Variants in KRT86 observed in about 807,000 individuals in gnomAD.
KRT86 encodes keratin 86, also known as keratin, type II cuticular Hb6.
KRT86 carries 30 observed loss-of-function variants against 41.2 expected under a neutral mutation model. The ratio of observed to expected loss-of-function variants is 0.73; its 90% CI spans 0.54 to 0.99. The LOEUF is 0.99. Among genes scored for constraint, KRT86 ranks in the 50% least tolerant of loss-of-function variants. KRT86 has a pLI of 0.00. For missense variants in KRT86, 561 were observed against 571.4 expected, an observed-to-expected ratio of 0.98 and a Z score of 0.19; for synonymous variants, 238 against 238.1, an observed-to-expected ratio of 1.00 and a Z score of 0.00.
intron 2 of KRT86, among the ~76,000 whole-genome samples, chr12:52,295,765 T>C (rs1938234994): frequency 6.6e-6 from 1 of 152,146 alleles, no homozygotes; most frequent in African/African-American, 2.4e-5. Flanking sequence ...ATTTTTTGAA[T>C]GAATGAAAAG....
At chr12:52,307,775 C>T (rs540179782) in intron 9 of KRT86, among the ~76,000 whole-genome samples, 2 of 152,198 alleles carry the variant, frequency 1.3e-5, no homozygotes, top group African/African-American at 2.4e-5. Flanking sequence ...CCTCCTGATG[C>T]CTATAATCTA....
chr12:52,281,456 G>A (rs756851737), intron 2 of KRT86, among the ~76,000 whole-genome samples: 4 of 152,216 alleles, frequency 2.6e-5, no homozygotes, highest in Non-Finnish European at 5.9e-5. Flanking sequence ...CCTGGTTGGT[G>A]TGTCCTGTCC....
At chr12:52,288,012 G>A in intron 2 of KRT86, 2 of 1,614,228 alleles carry the variant, frequency 1.2e-6, no homozygotes, top group South Asian at 2.2e-5. Flanking sequence ...CTCGGCCTCG[G>A]CCCGGCTGCG....
In KRT86 at chr12:52,308,745, G is replaced by C. The variant is rs951945169; in HGVS notation, c.*160G>C. 6 of 670,074 alleles carry C rather than the reference G, an allele frequency of 9.0e-6. No homozygotes were observed. Among genetic ancestry groups the C allele is most frequent in the Non-Finnish European group, 1.5e-5 (6 of 398,064 alleles). The allele number at this position is 670,074 out of a possible 1,614,324, so 41.5% of individuals were successfully genotyped here. On this transcript the variant is annotated 3_prime_UTR_variant, in exon 11 of 11. Transcript: ENST00000423955. Reference sequence around the variant, plus strand: ...CCGCTCCGCTCCGGGAGCCATCCCCGGTCGCAGGAGTCCGGGGAGGGCCGG... The same window carrying C: ...CCGCTCCGCTCCGGGAGCCATCCCCCGTCGCAGGAGTCCGGGGAGGGCCGG...
At position 52,288,456 on chromosome 12, in the gene KRT86, C is replaced by T. The variant is rs145083574; in HGVS notation, c.-5+12510C>T. 4 of 1,613,982 alleles carry T rather than the reference C, an allele frequency of 2.5e-6. No individual in the cohort carries two copies. Among genetic ancestry groups the T allele is most frequent in the African/African-American group, 2.7e-5 (2 of 74,860 alleles). On this transcript the variant is annotated intron_variant, in intron 2 of 10. Transcript: ENST00000423955. ...TTGCGGAGGTAGGCGCAGTCCACAT[C>T]CTGGAAAGGTGGGGAGTGTTGGAGC...
chr12:52,294,883 T>C (rs1290643812), intron 2 of KRT86, among the ~76,000 whole-genome samples: 1 of 152,264 alleles, frequency 6.6e-6, no homozygotes, highest in African/African-American at 2.4e-5. Context: ...AATGGACTCA[T>C]GTTGCATGGA....
intron 2 of KRT86, among the ~76,000 whole-genome samples, chr12:52,276,592 T>C (rs1246774282): frequency 6.6e-6 from 1 of 152,172 alleles, no homozygotes. Context: ...TCTGAAAATA[T>C]AAAAGAGGTG....
intron 2 of KRT86, 164 bp from the exon 3 acceptor site, chr12:52,301,749 C>G (rs1277595351): frequency 2.9e-6 from 4 of 1,395,290 alleles, no homozygotes; most frequent in Non-Finnish European, 4.0e-6. Context: ...GCTAAACAAC[C>G]CAAGCCCATA....
chr12:52,308,204 C>G, intron 9 of KRT86, 29 bp from the exon 10 acceptor site: 5 of 1,614,120 alleles, frequency 3.1e-6, no homozygotes, highest in Non-Finnish European at 4.2e-6. Flanking sequence ...TTTTCCGCGG[C>G]ACTGACCTCT....
At chr12:52,287,006 C>G in intron 2 of KRT86, 1 of 1,601,766 alleles carries the variant, frequency 6.2e-7, no homozygotes. Context: ...ATATTTTTTT[C>G]CCCCAGAGCC....
intron 2 of KRT86, among the ~76,000 whole-genome samples, chr12:52,282,309 T>C (rs896132604): frequency 6.6e-6 from 1 of 151,590 alleles, no homozygotes; most frequent in African/African-American, 2.4e-5. Flanking sequence ...CTTGGCTCAC[T>C]GCAAGCTCCG....
chr12:52,280,971 C>T (rs921355602), intron 2 of KRT86, among the ~76,000 whole-genome samples: 2 of 152,210 alleles, frequency 1.3e-5, no homozygotes, highest in Admixed American at 6.5e-5. Context: ...AAATACCGAA[C>T]CTGGACTTGC....
Position 52,305,500 on chromosome 12 carries a change from G to A in KRT86, c.900+96G>A, listed in dbSNP as rs1938489461. 5.0e-6 allele frequency: 8 copies of A among 1,603,304 alleles called. No individual in the cohort carries two copies. In the South Asian group the frequency reaches 7.8e-5, roughly 16 times the overall value. ...CTTCCTTTTCTGGGGATGCACTAGG[G>A]ATGAGAAGAGATGGCTGCCACTCTG... On this transcript the variant is annotated intron_variant, in intron 7 of 10. Transcript: ENST00000423955.
chr12:52,305,828 T>C (rs750162648), intron 8 of KRT86, 40 bp downstream of exon 8: 14 of 1,613,516 alleles, frequency 8.7e-6, no homozygotes, highest in South Asian at 2.2e-5. Flanking sequence ...AGACCGAGGG[T>C]CTAACCATGG....
chr12:52,284,343 C>A (rs75088558), intron 2 of KRT86, among the ~76,000 whole-genome samples: 1 of 152,316 alleles, frequency 6.6e-6, no homozygotes, highest in East Asian at 1.9e-4. Context: ...GTGCACACCA[C>A]GTCGCCCAGC....
chr12:52,305,803 T>C lies in KRT86; in HGVS notation c.1026+15T>C. ...CCAAGTGCCAGGTATGGGGCATCTGTGCCCAAGGTCAGAGAGACCGAGGGT... is the reference window on the plus strand; with the variant it reads ...CCAAGTGCCAGGTATGGGGCATCTGCGCCCAAGGTCAGAGAGACCGAGGGT... On this transcript the variant is annotated intron_variant, in intron 8 of 10. Coordinates refer to ENST00000423955, the MANE Select transcript of KRT86 (RefSeq NM_001320198.2). The C allele has an allele frequency of 6.2e-7, 1 of 1,613,938 alleles. No individual in the cohort carries two copies. Among genetic ancestry groups the C allele is most frequent in the Non-Finnish European group, 8.5e-7 (1 of 1,179,860 alleles).
At chr12:52,278,547 G>A (rs1420804928) in intron 2 of KRT86, among the ~76,000 whole-genome samples, 1 of 151,514 alleles carries the variant, frequency 6.6e-6, no homozygotes, top group Non-Finnish European at 1.5e-5. Context: ...GGAGCTTGCA[G>A]GGTGGAAGGA....
chr12:52,286,749 G>C, intron 2 of KRT86: 1 of 1,597,004 alleles, frequency 6.3e-7, no homozygotes, highest in East Asian at 2.2e-5. Context: ...CTCCATCACA[G>C]GTAGTTAGTA....
chr12:52,298,699 C>G (rs1392293157), intron 2 of KRT86, among the ~76,000 whole-genome samples: 2 of 152,196 alleles, frequency 1.3e-5, no homozygotes, highest in East Asian at 3.8e-4. Context: ...GTTTACACAG[C>G]TAGAGAGTGG....
Sources: allele counts gnomAD v4.1 joint callset (sites outside exome capture counted in the v4.1 genomes callset), GRCh38; gene constraint gnomAD v4.1.1; transcripts MANE v1.5; gene names NCBI Gene and HGNC (gene_info 2026-07-23, HGNC 2026-07-21).